HOXD3: variants seen among roughly 807,000 people sequenced by gnomAD.
HOXD3 encodes homeobox protein Hox-D3.
HOXD3 carries 13 observed loss-of-function variants against 32.8 expected under a neutral mutation model. That is an observed-to-expected ratio of 0.40 (90% CI 0.26 to 0.63). The LOEUF (loss-of-function observed/expected upper bound fraction) is 0.63, where lower values mean the gene tolerates loss of function less well. Ranked by LOEUF, HOXD3 falls within the 20% of genes least tolerant of loss-of-function variation. HOXD3 has a pLI of 0.44. For missense variants in HOXD3, 504 were observed against 577.1 expected, an observed-to-expected ratio of 0.87 and a Z score of 1.30; for synonymous variants, 241 against 246.8, an observed-to-expected ratio of 0.98 and a Z score of 0.22.
chr2:176,164,022 T>C (rs1182962904), intron 1 of HOXD3, 51 bp from the exon 2 acceptor site: 2 of 152,126 alleles, frequency 1.3e-5, no homozygotes, highest in Non-Finnish European at 2.9e-5. Context: ...AACATGTAAG[T>C]GTTTGTAAGC....
Position 176,169,487 on chromosome 2 carries a change from A to T in HOXD3, c.373A>T (p.Thr125Ser). The T allele has an allele frequency of 6.2e-7, 1 of 1,613,512 alleles. No individual in the cohort carries two copies. ...QPPQPPPPPP[T>S]LPPSSPTNPG... ...ACCACAACCCCCTCCTCCACCACCG[A>T]CCCTGCCCCCATCTTCACCCACCAA... The change falls in exon 3 of 4, where the codon ACC becomes TCC. Residue 125 changes from threonine to serine, a missense_variant. Around this residue, in one of 3 missense-constraint regions of HOXD3, gnomAD observed 181 missense variants for 172.2 expected, o/e 1.05. Transcript: ENST00000683222.
In HOXD3 at chr2:176,171,797, C is replaced by A. The variant is rs1032475668; in HGVS notation, c.822C>A (p.Gly274=). ...CCCCTGAGCGCAGCCCACCGCTCGG[C>A]GGCGCCGCTGGCCACGTGGCCTACT... ...SQSPERSPPL[G]GAAGHVAYSG... The change falls in exon 4 of 4, where the codon GGC becomes GGA. Residue 274 remains glycine (G), a synonymous_variant. Coordinates refer to ENST00000683222, the MANE Select transcript of HOXD3 (RefSeq NM_006898.5). 6.2e-7 allele frequency: 1 copy of A among 1,612,748 alleles called. No homozygotes were observed.
intron 1 of HOXD3, among the ~76,000 whole-genome samples, chr2:176,160,288 AG>A (rs1690759861): frequency 6.6e-6 from 1 of 152,182 alleles, no homozygotes; most frequent in African/African-American, 2.4e-5. Context: ...GACGCTTCTA[AG>A]AGAGGCAGTT....
At chr2:176,162,273 C>T (rs1690833140) in intron 1 of HOXD3, among the ~76,000 whole-genome samples, 1 of 152,228 alleles carries the variant, frequency 6.6e-6, no homozygotes, top group African/African-American at 2.4e-5. Context: ...CCGCGAGTAG[C>T]ATTTCATTTG....
At chr2:176,167,635 C>T (rs1323847798) in intron 2 of HOXD3, among the ~76,000 whole-genome samples, 1 of 148,244 alleles carries the variant, frequency 6.7e-6, no homozygotes, top group East Asian at 2.0e-4. Context: ...AGTGGACTAT[C>T]TGGACTTTCA....
chr2:176,170,972 G>A (rs1002441225), intron 3 of HOXD3, among the ~76,000 whole-genome samples: 1 of 151,998 alleles, frequency 6.6e-6, no homozygotes, highest in Non-Finnish European at 1.5e-5. Flanking sequence ...CTGGCTTTGA[G>A]TGCAGTTGGG....
chr2:176,160,178 G>A (rs1386773229), intron 1 of HOXD3, among the ~76,000 whole-genome samples: 1 of 152,224 alleles, frequency 6.6e-6, no homozygotes, highest in Non-Finnish European at 1.5e-5. Flanking sequence ...TCCGCGGCGG[G>A]GAGGCCGCCT....
At chr2:176,152,780 C>G, upstream of HOXD3, 1 of 1,614,190 alleles carries the variant, frequency 6.2e-7, no homozygotes, top group Non-Finnish European at 8.5e-7. This position sits in a 1 kb window ranked among gnomAD's most constrained non-coding sequence, Gnocchi z 5.2. Flanking sequence ...AGATCTGGTT[C>G]CAGAACCGGA....
At position 176,166,430 on chromosome 2, in the gene HOXD3, T is replaced by G. The variant is rs575181692; in HGVS notation, c.-85+2262T>G. 3.8e-4 allele frequency among the ~76,000 whole-genome samples: 58 copies of G among 152,332 alleles called. No individual in the cohort carries two copies. The South Asian group carries it at 0.011, about 30-fold the overall frequency. The stretch of plus-strand genomic sequence containing the variant: ...AGAGCAGCAGCAAGTTCTGGTAGTC[T>G]GAGTGTCCGATGTGACCATTAGGCC... On this transcript the variant is annotated intron_variant, in intron 2 of 3. Transcript: ENST00000683222.
chr2:176,152,762 C>T (rs753918851), upstream of HOXD3: 7 of 1,614,210 alleles, frequency 4.3e-6, no homozygotes, highest in Non-Finnish European at 5.1e-6. The surrounding 1 kb of genome is among the most constrained non-coding windows in gnomAD (Gnocchi z 5.2). Flanking sequence ...TGTCGGAGCG[C>T]CAGATCAAGA....
intron 1 of HOXD3, among the ~76,000 whole-genome samples, chr2:176,161,334 G>A (rs1487848353): frequency 6.6e-6 from 1 of 152,222 alleles, no homozygotes; most frequent in East Asian, 1.9e-4. Flanking sequence ...CAGGCTTGGA[G>A]GGTGGCCGGC....
chr2:176,152,548 CGAGGGGCCTAACTA>C, upstream of HOXD3: 1 of 1,406,742 alleles, frequency 7.1e-7, no homozygotes, highest in Non-Finnish European at 1.0e-6. The surrounding 1 kb of genome is among the most constrained non-coding windows in gnomAD (Gnocchi z 5.2). Flanking sequence ...GCGGCGGAGG[CGAGGGGCCTAACTA>C]GTGGCCGGGC....
chr2:176,171,262 G>A (rs1414357519), intron 3 of HOXD3, among the ~76,000 whole-genome samples: 1 of 152,142 alleles, frequency 6.6e-6, no homozygotes, highest in African/African-American at 2.4e-5. Flanking sequence ...CAGGGGAGAG[G>A]GTGGGCAGAG....
chr2:176,156,015 G>T (rs946637074), upstream of HOXD3, among the ~76,000 whole-genome samples: 1 of 152,124 alleles, frequency 6.6e-6, no homozygotes, highest in Non-Finnish European at 1.5e-5. Flanking sequence ...ACTAATTGTT[G>T]CTTGTAGTTT....
upstream of HOXD3, among the ~76,000 whole-genome samples, chr2:176,156,754 TGAA>T (rs80342169): frequency 0.02 from 3,038 of 152,294 alleles, 46 homozygotes; most frequent in Middle Eastern, 0.051. Context: ...GGCCTCGCCT[TGAA>T]GAAGGGGCCA....
In HOXD3 at chr2:176,169,392, C is replaced by A; in HGVS notation, c.278C>A (p.Pro93Gln). 6.2e-7 allele frequency: 1 copy of A among 1,613,974 alleles called. No individual in the cohort carries two copies. The highest frequency in any genetic ancestry group is 8.5e-7 in the Non-Finnish European group (1 of 1,179,966). ...GAELNGSCMR[P>Q]GTGNSQGGGG... ...GAACTCAATGGCAGCTGCATGCGGC[C>A]GGGCACTGGGAACAGCCAGGGTGGG... Residue 93 changes from proline (P) to glutamine (Q), a missense_variant, in exon 3 of 4, where the codon CCG becomes CAG. Pro to Gln is a moderately conservative substitution (Grantham distance 76). This residue lies in a region of HOXD3 where 181 missense variants were observed against 172.2 expected (regional missense o/e 1.05). Transcript: ENST00000683222.
chr2:176,168,917 C>A, intron 2 of HOXD3, 114 bp from the exon 3 acceptor site: 1 of 679,506 alleles, frequency 1.5e-6, no homozygotes, highest in Non-Finnish European at 2.3e-6. Flanking sequence ...CAGCACCTTG[C>A]CCATCTCCCC....
At chr2:176,161,996 C>A (rs919976496) in intron 1 of HOXD3, among the ~76,000 whole-genome samples, 1 of 152,194 alleles carries the variant, frequency 6.6e-6, no homozygotes, top group Non-Finnish European at 1.5e-5. Context: ...GTTCCATGCT[C>A]GTGGTAATGC....
intron 1 of HOXD3, among the ~76,000 whole-genome samples, chr2:176,163,596 C>G (rs1256903006): frequency 2.0e-5 from 3 of 152,158 alleles, no homozygotes; most frequent in Admixed American, 6.5e-5. Flanking sequence ...GTAGAGCAGC[C>G]CCTGACCAAG....
Sources: gnomAD v4.1 joint callset for allele counts (sites outside exome capture counted in the v4.1 genomes callset) on GRCh38, gnomAD v4.1.1 for gene constraint, gnomAD v4.1.1 regional missense constraint, Gnocchi (gnomAD v3.1) non-coding constraint, MANE v1.5 for transcripts, NCBI Gene and HGNC (gene_info 2026-07-23, HGNC 2026-07-21) for gene names.